The following CLDN14 variants were observed in gnomAD, a reference collection of about 807,000 sequenced individuals.
CLDN14 encodes the protein claudin-14.
Under a neutral mutation model 2.1 loss-of-function variants are expected in CLDN14, and 2 were observed. The ratio of observed to expected loss-of-function variants is 0.96; its 90% CI spans 0.39 to 3.01. The LOEUF (loss-of-function observed/expected upper bound fraction) is 3.01, where lower values mean the gene tolerates loss of function less well. Among genes scored for constraint, CLDN14 ranks in the 30% most tolerant of loss-of-function variants. The pLI is 0.09. For missense variants in CLDN14, 298 were observed against 328.0 expected (o/e 0.91, Z 0.71); for synonymous variants, 136 against 154.4 (o/e 0.88, Z 0.88).
intron 1 of CLDN14, among the ~76,000 whole-genome samples, chr21:36,466,145 G>A (rs1268803136): frequency 2.0e-5 from 3 of 152,166 alleles, no homozygotes; most frequent in Non-Finnish European, 2.9e-5. Flanking sequence ...ACTCTCCCAG[G>A]AAATGTCTCA....
chr21:36,488,419 G>A lies in CLDN14; in HGVS notation c.-82+21944C>T, dbSNP rs112599647. On this transcript the variant is annotated intron_variant, in intron 2 of 2. Coordinates refer to the CLDN14 transcript ENST00000342108. ...CCCGAGTAGCTGGGATTACAGGCACGTGCCGCCATGCCCAGCTAATTTTTG... is the reference window on the plus strand; with the variant it reads ...CCCGAGTAGCTGGGATTACAGGCACATGCCGCCATGCCCAGCTAATTTTTG... Among the ~76,000 whole-genome samples, 644 of 152,058 alleles carry A rather than the reference G, an allele frequency of 4.2e-3. 5 individuals carry two copies. Among genetic ancestry groups the A allele is most frequent in the African/African-American group, 0.014 (562 of 41,484 alleles).
intron 1 of CLDN14, among the ~76,000 whole-genome samples, chr21:36,537,147 C>A (rs375926262): frequency 6.6e-6 from 1 of 152,082 alleles, no homozygotes; most frequent in African/African-American, 2.4e-5. Context: ...CCGGAGATGG[C>A]GCCATTGCAC....
intron 2 of CLDN14, among the ~76,000 whole-genome samples, chr21:36,496,014 T>C (rs1464158682): frequency 6.6e-6 from 1 of 152,222 alleles, no homozygotes; most frequent in Non-Finnish European, 1.5e-5. Context: ...CATGGTCCTC[T>C]TGGCACTTTG....
chr21:36,489,131 A>AAAAATAT lies in CLDN14; in HGVS notation c.-82+21231_-82+21232insATATTTT. On this transcript the variant is annotated intron_variant, in intron 2 of 2. Coordinates refer to the CLDN14 transcript ENST00000342108. ...TCTGTCTCAAAGAAAAAAAAAAAAA[A>AAAAATAT]ATATATATATATATATATATATATA... 2.7e-3 allele frequency among the ~76,000 whole-genome samples: 170 copies of AAAAATAT among 62,722 alleles called. 1 individual carries two copies. Among genetic ancestry groups the AAAAATAT allele is most frequent in the Middle Eastern group, 0.017 (1 of 60 alleles). The allele number at this position is 62,722 out of a possible 152,430, so 41.1% of individuals were successfully genotyped here.
chr21:36,499,972 T>C lies in CLDN14; in HGVS notation c.-82+10391A>G, dbSNP rs753863246. ...CAGCCGCGCACACAGAGTCTACCTG[T>C]CTTCCAATGCGAGTCCCGCGAGGTG... On this transcript the variant is annotated intron_variant, in intron 2 of 2. Transcript: ENST00000342108. The surrounding 1 kb of genome is among the most constrained non-coding windows in gnomAD (Gnocchi z 4.7). Among the ~76,000 whole-genome samples, 2 of 152,118 alleles carry C rather than the reference T, an allele frequency of 1.3e-5. No individual in the cohort carries two copies. The highest frequency in any genetic ancestry group is 2.9e-5 in the Non-Finnish European group (2 of 68,020).
intron 1 of CLDN14, among the ~76,000 whole-genome samples, chr21:36,464,401 C>T (rs2086619712): frequency 6.6e-6 from 1 of 152,216 alleles, no homozygotes; most frequent in Admixed American, 6.5e-5. Context: ...TGTTTTTCTG[C>T]TGCTGCTTTG....
chr21:36,567,616 T>C (rs2087682661), intron 1 of CLDN14, among the ~76,000 whole-genome samples: 1 of 152,228 alleles, frequency 6.6e-6, no homozygotes, highest in Non-Finnish European at 1.5e-5. Flanking sequence ...GGTGAAAGCA[T>C]TTTTGTAAAC....
intron 1 of CLDN14, chr21:36,477,268 C>T (rs143450623): frequency 0.02 from 3,065 of 152,268 alleles, 47 homozygotes; most frequent in Middle Eastern, 0.037. Context: ...TTGGGATTTT[C>T]CCCCCTTAAA....
Position 36,461,796 on chromosome 21 carries a change from C to G in CLDN14, c.-81-20G>C. On this transcript the variant is annotated intron_variant, in intron 1 of 1. Coordinates refer to ENST00000399135, the MANE Select transcript of CLDN14 (RefSeq NM_001146079.2). ...GGAGCCCTAATGAAGCCAAGGGAGG[C>G]GGGAGCAGGGAGAGAAAGGAAATGG... 6.8e-7 allele frequency: 1 copy of G among 1,471,006 alleles called. No homozygotes were observed. Among genetic ancestry groups the G allele is most frequent in the Non-Finnish European group, 9.1e-7 (1 of 1,093,908 alleles). The allele number at this position is 1,471,006 out of a possible 1,614,324, so 91.1% of individuals were successfully genotyped here. A position where few individuals can be genotyped will look rare whatever the true frequency, so the allele number is the denominator to read the frequency against.
chr21:36,535,550 GA>G (rs1471132129), intron 1 of CLDN14, among the ~76,000 whole-genome samples: 1 of 152,102 alleles, frequency 6.6e-6, no homozygotes, highest in Non-Finnish European at 1.5e-5. Flanking sequence ...TACATTTAAA[GA>G]CCACAAAAGA....
intron 1 of CLDN14, among the ~76,000 whole-genome samples, chr21:36,564,598 C>T (rs1303180353): frequency 6.6e-6 from 1 of 152,190 alleles, no homozygotes; most frequent in African/African-American, 2.4e-5. Flanking sequence ...TCACCAGAGA[C>T]CTCAGGTGAT....
At chr21:36,508,074 G>T (rs1195751131) in intron 2 of CLDN14, among the ~76,000 whole-genome samples, 14 of 152,180 alleles carry the variant, frequency 9.2e-5, no homozygotes, top group Admixed American at 9.2e-4. Flanking sequence ...ATTGTCTTTG[G>T]AGTCCTTAGC....
rs921341364 is a variant in CLDN14, at chr21:36,460,808, T to G, written c.*168A>C. On this transcript the variant is annotated 3_prime_UTR_variant, in exon 2 of 2. Coordinates refer to ENST00000399135, the MANE Select transcript of CLDN14 (RefSeq NM_001146079.2). The surrounding 1 kb of genome is among the most constrained non-coding windows in gnomAD (Gnocchi z 4.0). ...ATAGAGAGCTTTCTCCTCCTCTTAT[T>G]TCCCCCTCTGTCCCTGTGCTCTAAA... 2.6e-6 allele frequency: 2 copies of G among 754,854 alleles called. No homozygotes were observed. Among genetic ancestry groups the G allele is most frequent in the East Asian group, 5.5e-5 (2 of 36,674 alleles). The allele number at this position is 754,854 out of a possible 1,614,324, so 46.8% of individuals were successfully genotyped here.
At chr21:36,489,131 A>AAATATATATATATATATATATATAT in intron 2 of CLDN14, among the ~76,000 whole-genome samples, 3 of 62,750 alleles carry the variant, frequency 4.8e-5, no homozygotes, top group African/African-American at 1.2e-4. Flanking sequence ...AAAAAAAAAA[A>AAATATATATATATATATATATATAT]ATATATATAT....
chr21:36,484,214 C>A (rs1223998926), upstream of CLDN14, among the ~76,000 whole-genome samples: 1 of 152,184 alleles, frequency 6.6e-6, no homozygotes, highest in Non-Finnish European at 1.5e-5. Context: ...GAGCATGAGG[C>A]TCGGATTCTA....
chr21:36,525,770 G>A (rs745834771), intron 1 of CLDN14, among the ~76,000 whole-genome samples: 23 of 152,270 alleles, frequency 1.5e-4, no homozygotes, highest in South Asian at 2.1e-4. Context: ...CTCCTCCAGC[G>A]ATACAGCTGC....
intron 2 of CLDN14, among the ~76,000 whole-genome samples, chr21:36,502,494 G>T (rs2087099862): frequency 6.6e-6 from 1 of 152,146 alleles, no homozygotes; most frequent in Non-Finnish European, 1.5e-5. Flanking sequence ...ATCTTAGATT[G>T]CTTTCTTTTA....
At chr21:36,476,982 A>C (rs113083723) in intron 1 of CLDN14, among the ~76,000 whole-genome samples, 4 of 152,390 alleles carry the variant, frequency 2.6e-5, no homozygotes, top group African/African-American at 9.6e-5. Flanking sequence ...CTTTAGACAT[A>C]CACACAGTGG....
intron 1 of CLDN14, chr21:36,510,557 A>G (rs879368797): frequency 6.6e-6 from 1 of 152,292 alleles, no homozygotes; most frequent in Admixed American, 6.5e-5. Flanking sequence ...TCTCAGGAGC[A>G]GTTACCTCTA....
Sources: allele counts gnomAD v4.1 joint callset (sites outside exome capture counted in the v4.1 genomes callset), GRCh38; gene constraint gnomAD v4.1.1; non-coding constraint Gnocchi (gnomAD v3.1); transcripts MANE v1.5; gene names NCBI Gene and HGNC (gene_info 2026-07-23, HGNC 2026-07-21).